FBXW7: variants seen among roughly 807,000 people sequenced by gnomAD.
FBXW7 encodes F-box/WD repeat-containing protein 7.
Under a neutral mutation model 86.3 loss-of-function variants are expected in FBXW7, and 11 were observed. The ratio of observed to expected loss-of-function variants is 0.13; its 90% CI spans 0.08 to 0.21. FBXW7 has a LOEUF of 0.21. FBXW7 is among the 10% of genes least tolerant of loss of function. The pLI, the probability that FBXW7 is intolerant of heterozygous loss-of-function variation, is 1.00. For synonymous variants in FBXW7, 313 were observed against 297.9 expected (o/e 1.05, Z -0.52); for missense variants, 488 against 847.4 (o/e 0.58, Z 5.27).
intron 2 of FBXW7, among the ~76,000 whole-genome samples, chr4:152,454,253 C>G (rs530626263): frequency 2.9e-4 from 32 of 111,384 alleles, no homozygotes; most frequent in South Asian, 4.1e-4. Context: ...CTCTCTAAGC[C>G]CCCCCCCCCT....
intron 2 of FBXW7, among the ~76,000 whole-genome samples, chr4:152,495,796 C>A (rs1006267035): frequency 6.6e-6 from 1 of 152,128 alleles, no homozygotes; most frequent in African/African-American, 2.4e-5. Context: ...AATATAAAGA[C>A]ATAGGCTTAG....
In FBXW7 at chr4:152,465,202, A is replaced by C. The variant is rs759165552; in HGVS notation, c.-119-52673T>G. On this transcript the variant is annotated intron_variant, in intron 2 of 13. Coordinates refer to ENST00000281708, the MANE Select transcript of FBXW7 (RefSeq NM_001349798.2). ...GGTACTTACCTTCAAGGAAAAAAAAAAGTCTCTACTGACATCAAAACCTTA... is the reference window on the plus strand; with the variant it reads ...GGTACTTACCTTCAAGGAAAAAAAACAGTCTCTACTGACATCAAAACCTTA... 4.2e-4 allele frequency among the ~76,000 whole-genome samples: 64 copies of C among 152,168 alleles called. 1 individual carries two copies. Among genetic ancestry groups the C allele is most frequent in the Admixed American group, 1.3e-4 (2 of 15,272 alleles).
At position 152,346,920 on chromosome 4, in the gene FBXW7, G is replaced by C. The variant is rs762841471; in HGVS notation, c.726+10C>G. ...TGAGGCATTTCAAGTACTATGTTTAGATATGTCACCTGAAACATTTTTAGC... is the reference window on the plus strand; with the variant it reads ...TGAGGCATTTCAAGTACTATGTTTACATATGTCACCTGAAACATTTTTAGC... On this transcript the variant is annotated intron_variant, in intron 6 of 13. Transcript: ENST00000281708. The C allele has an allele frequency of 1.2e-6, 2 of 1,612,426 alleles. No individual in the cohort carries two copies. The highest frequency in any genetic ancestry group is 1.7e-6 in the Non-Finnish European group (2 of 1,179,402).
Position 152,535,645 on chromosome 4 carries a change from G to T in FBXW7, c.-731C>A. On this transcript the variant is annotated 5_prime_UTR_variant, in exon 1 of 14. Transcript: ENST00000281708. ...CCGCCCCCGCTCCCGGCTCCCGCAT[G>T]TGTCGCTGCGGCTGGGACCCCCCTC... 1 of 396,682 alleles carries T rather than the reference G, an allele frequency of 2.5e-6. No homozygotes were observed. The highest frequency in any genetic ancestry group is 4.4e-6 in the Non-Finnish European group (1 of 224,724). The allele number at this position is 396,682 out of a possible 1,614,324, so 24.6% of individuals were successfully genotyped here.
intron 2 of FBXW7, among the ~76,000 whole-genome samples, chr4:152,531,110 T>A (rs1435556209): frequency 6.6e-6 from 1 of 152,098 alleles, no homozygotes; most frequent in Non-Finnish European, 1.5e-5. Flanking sequence ...TAATTCCCTA[T>A]CAATCCAAAA....
At chr4:152,527,578 G>A (rs2149741504) in intron 2 of FBXW7, among the ~76,000 whole-genome samples, 1 of 152,222 alleles carries the variant, frequency 6.6e-6, no homozygotes, top group South Asian at 2.1e-4. Flanking sequence ...GAACCAGCCT[G>A]GGCAATATAG....
chr4:152,498,040 G>A (rs2149695319), intron 2 of FBXW7, among the ~76,000 whole-genome samples: 1 of 152,314 alleles, frequency 6.6e-6, no homozygotes, highest in East Asian at 1.9e-4. Context: ...TACCTCCAAA[G>A]AAGGGAGAAA....
intron 4 of FBXW7, among the ~76,000 whole-genome samples, chr4:152,376,049 T>C (rs1219058447): frequency 3.3e-5 from 5 of 152,132 alleles, no homozygotes; most frequent in Non-Finnish European, 7.4e-5. Flanking sequence ...GTGGCAGTTT[T>C]GTTTAAAAAA....
intron 6 of FBXW7, among the ~76,000 whole-genome samples, chr4:152,341,075 T>C (rs1440541678): frequency 6.6e-6 from 1 of 152,184 alleles, no homozygotes; most frequent in Non-Finnish European, 1.5e-5. Flanking sequence ...AGATTATTCC[T>C]GTAACTCCCT....
intron 4 of FBXW7, among the ~76,000 whole-genome samples, chr4:152,360,499 A>C (rs543006245): frequency 1.3e-5 from 2 of 152,300 alleles, no homozygotes; most frequent in East Asian, 3.9e-4. Context: ...TGACTGAAAG[A>C]ACCTGTCCTA....
rs183479763 is a variant in FBXW7, at chr4:152,529,407, C to T, written c.-120+5534G>A. On this transcript the variant is annotated intron_variant, in intron 2 of 13. Transcript: ENST00000281708. The stretch of plus-strand genomic sequence containing the variant: ...TAAATTGTTAGTTCAATTTAAGTAA[C>T]AATATGTAGAAATACTACATATAAA... 5.9e-5 allele frequency among the ~76,000 whole-genome samples: 9 copies of T among 151,972 alleles called. No homozygotes were observed. In the East Asian group the frequency reaches 1.5e-3, roughly 26 times the overall value.
chr4:152,328,087 T>G (rs1201891650), intron 11 of FBXW7, 121 bp downstream of exon 11: 5 of 773,922 alleles, frequency 6.5e-6, no homozygotes, highest in Non-Finnish European at 1.0e-5. Flanking sequence ...ACATCTGAAG[T>G]GTAATAATTA....
At chr4:152,474,899 C>A (rs775551106) in intron 2 of FBXW7, among the ~76,000 whole-genome samples, 12 of 152,052 alleles carry the variant, frequency 7.9e-5, no homozygotes, top group Non-Finnish European at 1.5e-4. Context: ...CTCCCGACCT[C>A]ATGATCCGCC....
rs898859035 is a variant in FBXW7 at position 152,535,827 on chromosome 4, T to G, written c.-913A>C. 8.7e-5 allele frequency: 34 copies of G among 390,394 alleles called. No homozygotes were observed. Among genetic ancestry groups the G allele is most frequent in the Non-Finnish European group, 1.4e-4 (30 of 221,792 alleles). The allele number at this position is 390,394 out of a possible 1,614,324, so 24.2% of individuals were successfully genotyped here. A position where few individuals can be genotyped will look rare whatever the true frequency, so the allele number is the denominator to read the frequency against. On this transcript the variant is annotated 5_prime_UTR_variant, in exon 1 of 14. Coordinates refer to ENST00000281708, the MANE Select transcript of FBXW7 (RefSeq NM_001349798.2). ...CGCCGGCTCCGGCTCAGGCTCGGGC[T>G]CCGGCTCTGGCTCCGGCTCCGGCGT...
At chr4:152,380,833 A>G (rs1361570310) in intron 4 of FBXW7, among the ~76,000 whole-genome samples, 1 of 151,968 alleles carries the variant, frequency 6.6e-6, no homozygotes, top group Non-Finnish European at 1.5e-5. Flanking sequence ...TTTTAATTTT[A>G]TTTGTATTGG....
chr4:152,344,480 C>CAGG (rs1226264659), intron 6 of FBXW7, among the ~76,000 whole-genome samples: 1 of 151,888 alleles, frequency 6.6e-6, no homozygotes, highest in East Asian at 1.9e-4. Flanking sequence ...ACTGCACCTA[C>CAGG]TCCTTTTACA....
chr4:152,363,880 G>A (rs990420797), intron 4 of FBXW7, among the ~76,000 whole-genome samples: 1 of 152,138 alleles, frequency 6.6e-6, no homozygotes, highest in Admixed American at 6.5e-5. Flanking sequence ...ACCTAAGGAA[G>A]TCCTGGTCTT....
chr4:152,504,750 T>C (rs988909608), intron 2 of FBXW7, among the ~76,000 whole-genome samples: 6 of 152,334 alleles, frequency 3.9e-5, no homozygotes, highest in Non-Finnish European at 7.4e-5. Flanking sequence ...AAAGTTAGTG[T>C]TGAAATTGAG....
chr4:152,486,205 T>C (rs1348161432), intron 2 of FBXW7, among the ~76,000 whole-genome samples: 1 of 152,146 alleles, frequency 6.6e-6, no homozygotes, highest in Non-Finnish European at 1.5e-5. Flanking sequence ...GAGTTAATGA[T>C]TGAGTGAAGA....
Sources: allele counts gnomAD v4.1 joint callset (sites outside exome capture counted in the v4.1 genomes callset), GRCh38; gene constraint gnomAD v4.1.1; transcripts MANE v1.5; gene names NCBI Gene and HGNC (gene_info 2026-07-23, HGNC 2026-07-21).